Variants in COL22A1 observed in about 807,000 individuals in gnomAD.
COL22A1 encodes collagen alpha-1(XXII) chain.
Under a neutral mutation model 248.9 loss-of-function variants are expected in COL22A1, and 221 were observed. The observed-to-expected ratio is 0.89, with a 90% CI of 0.80 to 0.99. COL22A1 has a LOEUF of 0.99. COL22A1 is among the 50% of genes least tolerant of loss of function. The pLI is 0.00. For synonymous variants in COL22A1, 891 were observed against 793.4 expected (o/e 1.12, Z -2.07); for missense variants, 2,240 against 2,179.0 (o/e 1.03, Z -0.56).
chr8:138,773,982 G>GCTGCA lies in COL22A1; in HGVS notation c.1803+1979_1803+1983dup, dbSNP rs1427341557. 2.0e-5 allele frequency among the ~76,000 whole-genome samples: 3 copies of GCTGCA among 152,296 alleles called. No individual in the cohort carries two copies. The East Asian group carries it at 5.8e-4, about 29-fold the overall frequency. ...GACCCCTGCTCCCTCCAGCACCAGAGCTGCACAGCAACTCACGCTCCTGTG... is the reference window on the plus strand; with the variant it reads ...GACCCCTGCTCCCTCCAGCACCAGAGCTGCACTGCACAGCAACTCACGCTCCTGTG... On this transcript the variant is annotated intron_variant, in intron 16 of 64. Transcript: ENST00000303045.
At chr8:138,636,821 A>G (rs1181443541) in intron 47 of COL22A1, 26 bp from the exon 48 acceptor site, 5 of 1,590,490 alleles carry the variant, frequency 3.1e-6, no homozygotes. Flanking sequence ...AAGAAAAGAA[A>G]GATGTCACTG....
chr8:138,794,386 CA>C (rs753489322), intron 12 of COL22A1, among the ~76,000 whole-genome samples: 4,390 of 128,360 alleles, frequency 0.034, 97 homozygotes, highest in African/African-American at 0.074. Context: ...ACTCCATCTC[CA>C]AAAAAAAAAA....
intron 4 of COL22A1, among the ~76,000 whole-genome samples, chr8:138,833,412 G>A (rs1386235315): frequency 6.6e-6 from 1 of 152,236 alleles, no homozygotes; most frequent in African/African-American, 2.4e-5. Context: ...TGTGCATGTG[G>A]TTAAGCGTGA....
chr8:138,904,512 C>T (rs1025336581), intron 1 of COL22A1, among the ~76,000 whole-genome samples: 1 of 152,168 alleles, frequency 6.6e-6, no homozygotes, highest in African/African-American at 2.4e-5. Context: ...AAACCTTAAC[C>T]ACTCTTTATT....
rs776843898 is a variant in COL22A1 at position 138,878,015 on chromosome 8, T to G, written c.393A>C (p.Pro131=). The change falls in exon 3 of 65, where the codon CCA becomes CCC. Residue 131 remains proline, a synonymous_variant. Transcript: ENST00000303045. The part of the protein sequence containing the change: ...LRYITARSFS[P]HAGGRPRDRA... ...GGTCCCTGGGGCGGCCGCCGGCGTGTGGGGAGAAGCTGCGGGCCGTGATGT... is the reference window on the plus strand; with the variant it reads ...GGTCCCTGGGGCGGCCGCCGGCGTGGGGGGAGAAGCTGCGGGCCGTGATGT... The G allele has an allele frequency of 4.2e-5, 66 of 1,588,088 alleles. No homozygotes were observed. The highest frequency in any genetic ancestry group is 5.6e-5 in the Non-Finnish European group (65 of 1,167,668).
intron 35 of COL22A1, among the ~76,000 whole-genome samples, 168 bp from the exon 36 acceptor site, chr8:138,691,042 C>T (rs756171804): frequency 6.6e-6 from 1 of 152,164 alleles, no homozygotes; most frequent in East Asian, 1.9e-4. Flanking sequence ...GCTGTGGTGT[C>T]CCAAGCACCA....
intron 51 of COL22A1, among the ~76,000 whole-genome samples, chr8:138,625,972 G>A (rs1013464251): frequency 4.3e-4 from 65 of 152,010 alleles, no homozygotes; most frequent in African/African-American, 1.4e-3. Context: ...ACCAATATAC[G>A]CCTAAAAGAA....
At chr8:138,736,062 G>C (rs769458203) in intron 23 of COL22A1, among the ~76,000 whole-genome samples, 3 of 151,928 alleles carry the variant, frequency 2.0e-5, no homozygotes, top group Non-Finnish European at 2.9e-5. Flanking sequence ...AGGGGAACAG[G>C]GACAGCCACA....
At chr8:138,767,234 C>T (rs756575980) in intron 16 of COL22A1, among the ~76,000 whole-genome samples, 15 of 152,036 alleles carry the variant, frequency 9.9e-5, no homozygotes, top group African/African-American at 3.4e-4. Flanking sequence ...TTAGGCCAAA[C>T]GAAGGATGAC....
At chr8:138,839,549 G>A (rs1346037681) in intron 4 of COL22A1, among the ~76,000 whole-genome samples, 2 of 152,148 alleles carry the variant, frequency 1.3e-5, no homozygotes, top group African/African-American at 2.4e-5. Context: ...AATGTTTAAC[G>A]CAGCCCAAGG....
chr8:138,833,667 T>G (rs938476435), intron 4 of COL22A1, among the ~76,000 whole-genome samples: 1 of 152,258 alleles, frequency 6.6e-6, no homozygotes, highest in Non-Finnish European at 1.5e-5. Flanking sequence ...TTCATGGTAC[T>G]GCATTATTTG....
intron 41 of COL22A1, among the ~76,000 whole-genome samples, chr8:138,670,540 A>C (rs1824928515): frequency 6.6e-6 from 1 of 152,020 alleles, no homozygotes; most frequent in Non-Finnish European, 1.5e-5. Context: ...GGACAGCGTC[A>C]GTGGCTTTGG....
intron 22 of COL22A1, among the ~76,000 whole-genome samples, chr8:138,750,451 C>G (rs548607732): frequency 2.0e-5 from 3 of 152,314 alleles, no homozygotes; most frequent in Admixed American, 6.5e-5. Context: ...CAGGCCACCC[C>G]CTTTCAGAAC....
chr8:138,839,695 A>G (rs1278019758), intron 4 of COL22A1, among the ~76,000 whole-genome samples: 1 of 152,052 alleles, frequency 6.6e-6, no homozygotes, highest in Non-Finnish European at 1.5e-5. Flanking sequence ...CATGGGCAGG[A>G]CTTGGTGATT....
At chr8:138,636,878 C>G in intron 47 of COL22A1, 83 bp from the exon 48 acceptor site, 3 of 1,135,948 alleles carry the variant, frequency 2.6e-6, no homozygotes, top group Non-Finnish European at 4.0e-6. Flanking sequence ...ATTCATTCAT[C>G]CATTCATTAA....
rs1302816643 is a variant in COL22A1, at chr8:138,779,541, C to G, written c.1672G>C (p.Glu558Gln). The G allele has an allele frequency of 6.2e-7, 1 of 1,613,382 alleles. No individual in the cohort carries two copies. Among genetic ancestry groups the G allele is most frequent in the Non-Finnish European group, 8.5e-7 (1 of 1,179,432 alleles). ...GMRGEPGELG[E>Q]PGLPGEVGMR... Reference sequence around the variant, plus strand: ...CCGACCTCACCCGGCAGCCCCGGCTCTCCCAGCTCTCCTGGCTCCCCCTGA... The same window carrying G: ...CCGACCTCACCCGGCAGCCCCGGCTGTCCCAGCTCTCCTGGCTCCCCCTGA... Residue 558 changes from glutamate to glutamine, a missense_variant, in exon 14 of 65, where the codon GAG becomes CAG. Transcript: ENST00000303045.
intron 59 of COL22A1, among the ~76,000 whole-genome samples, chr8:138,603,585 A>C (rs950124282): frequency 2.0e-5 from 3 of 152,196 alleles, no homozygotes; most frequent in African/African-American, 7.2e-5. Flanking sequence ...TCGTGTAGGC[A>C]GCAGCCCAAG....
At chr8:138,642,654 C>G (rs1042371428) in intron 47 of COL22A1, among the ~76,000 whole-genome samples, 27 of 152,220 alleles carry the variant, frequency 1.8e-4, no homozygotes, top group African/African-American at 6.3e-4. Context: ...TGCATGCAGG[C>G]TTGGGCTGAA....
chr8:138,667,037 C>T (rs1824563077), intron 41 of COL22A1, among the ~76,000 whole-genome samples: 1 of 152,118 alleles, frequency 6.6e-6, no homozygotes, highest in Admixed American at 6.5e-5. Context: ...GCAGGCAGTG[C>T]CCAACCATAA....
Sources: allele counts gnomAD v4.1 joint callset (sites outside exome capture counted in the v4.1 genomes callset), GRCh38; gene constraint gnomAD v4.1.1; transcripts MANE v1.5; gene names NCBI Gene and HGNC (gene_info 2026-07-23, HGNC 2026-07-21).